DCDC1: variants seen among roughly 807,000 people sequenced by gnomAD.
DCDC1 encodes the protein doublecortin domain-containing protein 1.
DCDC1 carries 200 observed loss-of-function variants against 178.3 expected under a neutral mutation model. That is an observed-to-expected ratio of 1.12 (90% CI 1.00 to 1.26). DCDC1 has a LOEUF of 1.26. Ranked by LOEUF, DCDC1 falls within the 50% of genes most tolerant of loss-of-function variation. DCDC1 has a pLI of 0.00. For missense variants in DCDC1, 1,983 were observed against 1,749.2 expected, an observed-to-expected ratio of 1.13 and a Z score of -2.38; for synonymous variants, 690 against 604.8, an observed-to-expected ratio of 1.14 and a Z score of -2.07.
chr11:31,053,166 A>G (rs1419506576), intron 20 of DCDC1, among the ~76,000 whole-genome samples: 1 of 152,134 alleles, frequency 6.6e-6, no homozygotes, highest in Non-Finnish European at 1.5e-5. Flanking sequence ...AACTGATACC[A>G]CTGAAATACA....
intron 21 of DCDC1, 85 bp from the exon 22 acceptor site, chr11:30,932,037 T>C: frequency 7.6e-7 from 1 of 1,318,432 alleles, no homozygotes; most frequent in Non-Finnish European, 9.9e-7. Flanking sequence ...ACACAGTTTA[T>C]ACCTTTAATC....
intron 2 of DCDC1, among the ~76,000 whole-genome samples, chr11:31,331,021 T>A (rs1949952422): frequency 6.6e-6 from 1 of 152,200 alleles, no homozygotes; most frequent in African/African-American, 2.4e-5. Context: ...TTCCTATCCA[T>A]GAGCATGGAA....
intron 9 of DCDC1, among the ~76,000 whole-genome samples, chr11:31,233,024 G>T (rs1240698533): frequency 1.3e-5 from 2 of 151,556 alleles, no homozygotes; most frequent in Non-Finnish European, 2.9e-5. Context: ...GGAGGTGGAG[G>T]TTGCAGTGAG....
chr11:30,950,522 A>G (rs1948352792), intron 21 of DCDC1, among the ~76,000 whole-genome samples: 2 of 152,206 alleles, frequency 1.3e-5, no homozygotes, highest in African/African-American at 4.8e-5. Flanking sequence ...TCAGCCATAA[A>G]AAAGAATGCA....
intron 20 of DCDC1, among the ~76,000 whole-genome samples, chr11:31,027,540 A>C (rs1469386237): frequency 6.6e-6 from 1 of 151,896 alleles, no homozygotes; most frequent in Non-Finnish European, 1.5e-5. Flanking sequence ...GAAAGCAGAT[A>C]ATTTCAAGTA....
intron 9 of DCDC1, among the ~76,000 whole-genome samples, chr11:31,238,850 A>C (rs530308112): frequency 6.6e-6 from 1 of 152,212 alleles, no homozygotes; most frequent in African/African-American, 2.4e-5. Context: ...AATACACACG[A>C]ATCAGTATAT....
chr11:30,915,754 T>C (rs1945785732), intron 26 of DCDC1, 43 bp from the exon 27 acceptor site: 1 of 1,570,420 alleles, frequency 6.4e-7, no homozygotes, highest in Non-Finnish European at 8.6e-7. Context: ...AAATGTCCCA[T>C]GCACTTGATC....
chr11:30,967,431 C>T (rs1949501401), intron 20 of DCDC1, among the ~76,000 whole-genome samples: 1 of 152,114 alleles, frequency 6.6e-6, no homozygotes, highest in East Asian at 1.9e-4. Flanking sequence ...CCAAAATCTC[C>T]TTAAGCTGAT....
chr11:30,963,445 C>T (rs972233998), intron 20 of DCDC1, among the ~76,000 whole-genome samples: 22 of 152,204 alleles, frequency 1.4e-4, no homozygotes, highest in Admixed American at 8.5e-4. Context: ...GCTGGGTACA[C>T]GGCTACCCAT....
rs1458652968 is a variant in DCDC1 at position 31,305,481 on chromosome 11, T to C, written c.754+134A>G. On this transcript the variant is annotated intron_variant, in intron 6 of 38. Coordinates refer to ENST00000684477, the MANE Select transcript of DCDC1 (RefSeq NM_001387274.1). The stretch of plus-strand genomic sequence containing the variant: ...TCTTTCATTAAGCACATTATCCTCT[T>C]ACTGAGCTGTAAATGCGTAAACATT... The C allele has an allele frequency of 1.0e-5, 12 of 1,163,344 alleles. No individual in the cohort carries two copies. In the Admixed American group the frequency reaches 1.4e-4, roughly 13 times the overall value. 72.1% of individuals were successfully genotyped at this position (1,163,344 alleles called of 1,614,324 possible).
intron 6 of DCDC1, among the ~76,000 whole-genome samples, chr11:31,297,357 A>ATTT (rs35301487): frequency 6.7e-6 from 1 of 149,756 alleles, no homozygotes; most frequent in African/African-American, 2.5e-5. Flanking sequence ...CATACTAGCC[A>ATTT]TTTTTTTTTT....
At chr11:31,131,479 T>C (rs10835744) in intron 10 of DCDC1, among the ~76,000 whole-genome samples, 40,085 of 152,022 alleles carry the variant, frequency 0.26, 5,432 homozygotes, top group African/African-American at 0.32. Flanking sequence ...CCAGTATTAG[T>C]CTATGCTTTC....
At chr11:31,170,170 T>C (rs1169471486) in intron 9 of DCDC1, among the ~76,000 whole-genome samples, 1 of 152,214 alleles carries the variant, frequency 6.6e-6, no homozygotes, top group Non-Finnish European at 1.5e-5. Context: ...TAGGAGCTAC[T>C]GCAGTAGTCC....
chr11:31,138,688 G>C (rs372965140), intron 9 of DCDC1, among the ~76,000 whole-genome samples: 189 of 152,280 alleles, frequency 1.2e-3, no homozygotes, highest in Non-Finnish European at 2.3e-3. Context: ...TTTGAAGTAA[G>C]CTTTCTCAAT....
chr11:31,247,698 T>C lies in DCDC1; in HGVS notation c.1055-6082A>G, dbSNP rs556794360. On this transcript the variant is annotated intron_variant, in intron 8 of 38. Transcript: ENST00000684477. ...CACCACCATGCACATCTTTTTTTCA[T>C]ACATCCCCAGTAGCACATTGGTAGA... Among the ~76,000 whole-genome samples the C allele has an allele frequency of 5.9e-5, 9 of 152,170 alleles. No individual in the cohort carries two copies. In the East Asian group the frequency reaches 7.7e-4, roughly 13 times the overall value.
chr11:31,287,082 G>A (rs1450646207), intron 7 of DCDC1, among the ~76,000 whole-genome samples: 2 of 151,918 alleles, frequency 1.3e-5, no homozygotes, highest in Admixed American at 6.6e-5. Flanking sequence ...ACAAACCTAT[G>A]CTCACAACTT....
At chr11:31,304,973 T>C (rs1395886858) in intron 6 of DCDC1, among the ~76,000 whole-genome samples, 2 of 152,132 alleles carry the variant, frequency 1.3e-5, no homozygotes, top group Admixed American at 6.6e-5. Context: ...GAAAGAAAAA[T>C]GTTATTTTTT....
chr11:31,151,967 AAC>A (rs2136103050), intron 9 of DCDC1, among the ~76,000 whole-genome samples: 1 of 152,326 alleles, frequency 6.6e-6, no homozygotes, highest in African/African-American at 2.4e-5. Context: ...CTCACCACAA[AAC>A]AGTGATAATT....
intron 2 of DCDC1, among the ~76,000 whole-genome samples, chr11:31,334,193 G>A (rs770569181): frequency 1.2e-4 from 18 of 152,132 alleles, no homozygotes; most frequent in South Asian, 6.2e-4. Flanking sequence ...TCATGCATGC[G>A]TCACATAGTT....
Sources: gnomAD v4.1 joint callset for allele counts (sites outside exome capture counted in the v4.1 genomes callset) on GRCh38, gnomAD v4.1.1 for gene constraint, MANE v1.5 for transcripts, NCBI Gene and HGNC (gene_info 2026-07-23, HGNC 2026-07-21) for gene names.